NBEA: variants seen among roughly 807,000 people sequenced by gnomAD.
NBEA encodes lysosomal-trafficking regulator 2.
Under a neutral mutation model 343.4 loss-of-function variants are expected in NBEA, and 44 were observed. The observed-to-expected ratio is 0.13, with a 90% CI of 0.10 to 0.16. The LOEUF (loss-of-function observed/expected upper bound fraction) is 0.16, where lower values mean the gene tolerates loss of function less well. Among genes scored for constraint, NBEA ranks in the 10% least tolerant of loss-of-function variants. NBEA has a pLI of 1.00. For missense variants in NBEA, 2,555 were observed against 3,631.3 expected (o/e 0.70, Z 7.62); for synonymous variants, 1,175 against 1,238.7 (o/e 0.95, Z 1.08).
Position 35,272,526 on chromosome 13 carries a change from G to A in NBEA, c.5777-17863G>A, listed in dbSNP as rs147182083. Among the ~76,000 whole-genome samples, 148 of 152,184 alleles carry A rather than the reference G, an allele frequency of 9.7e-4. 1 individual carries two copies. Among genetic ancestry groups the A allele is most frequent in the Middle Eastern group, 3.4e-3 (1 of 294 alleles). On this transcript the variant is annotated intron_variant, in intron 34 of 58. Coordinates refer to ENST00000379939, the MANE Select transcript of NBEA (RefSeq NM_001385012.1). Reference sequence around the variant, plus strand: ...AACAATATTAACCTAAAATGTAAACGGGCTAAATGCCCCAATTAAAAGACA... The same window carrying A: ...AACAATATTAACCTAAAATGTAAACAGGCTAAATGCCCCAATTAAAAGACA...
chr13:34,967,435 T>G (rs2059858838), intron 1 of NBEA, among the ~76,000 whole-genome samples: 2 of 152,020 alleles, frequency 1.3e-5, no homozygotes, highest in African/African-American at 4.8e-5. Context: ...AAGAAGCCTC[T>G]TTTTGGAATA....
intron 30 of NBEA, among the ~76,000 whole-genome samples, chr13:35,184,546 AT>A (rs1487829311): frequency 6.6e-6 from 1 of 152,092 alleles, no homozygotes; most frequent in Non-Finnish European, 1.5e-5. Flanking sequence ...TCCAACAAAA[AT>A]TATTAAACAT....
intron 35 of NBEA, among the ~76,000 whole-genome samples, chr13:35,294,871 T>C (rs1372129753): frequency 6.6e-6 from 1 of 151,880 alleles, no homozygotes; most frequent in Non-Finnish European, 1.5e-5. Flanking sequence ...CTATTCAGCA[T>C]AAGCAGCGGA....
chr13:35,371,831 G>A (rs2041450767), intron 38 of NBEA, among the ~76,000 whole-genome samples: 1 of 152,136 alleles, frequency 6.6e-6, no homozygotes, highest in Non-Finnish European at 1.5e-5. Flanking sequence ...CTGATTCTGG[G>A]TGCATGCAGT....
At chr13:35,387,492 A>G (rs918681419) in intron 38 of NBEA, among the ~76,000 whole-genome samples, 1 of 152,142 alleles carries the variant, frequency 6.6e-6, no homozygotes, top group African/African-American at 2.4e-5. Context: ...TTTATTACCA[A>G]AAACAACGAA....
intron 38 of NBEA, among the ~76,000 whole-genome samples, chr13:35,372,000 A>G (rs940377985): frequency 1.3e-5 from 2 of 152,096 alleles, no homozygotes; most frequent in East Asian, 1.9e-4. Flanking sequence ...TGTGGTGGCA[A>G]TGGTGGGCCA....
At chr13:35,123,407 T>TA in intron 16 of NBEA, 75 bp from the exon 17 acceptor site, 1 of 710,094 alleles carries the variant, frequency 1.4e-6, no homozygotes, top group African/African-American at 1.8e-5. Context: ...ATGTATAATT[T>TA]ATCTGTAAAG....
At chr13:35,026,252 T>C (rs562352972) in intron 1 of NBEA, among the ~76,000 whole-genome samples, 4 of 152,276 alleles carry the variant, frequency 2.6e-5, no homozygotes, top group African/African-American at 9.6e-5. Context: ...CCCAGCCATG[T>C]GGAACTGTGA....
At chr13:35,582,830 A>C (rs1162189586) in intron 45 of NBEA, among the ~76,000 whole-genome samples, 2 of 152,210 alleles carry the variant, frequency 1.3e-5, no homozygotes, top group African/African-American at 2.4e-5. Context: ...GAAAAGGCTC[A>C]TAACAATTTA....
chr13:35,196,381 A>T (rs1371856158), intron 31 of NBEA, 79 bp downstream of exon 31: 2 of 1,334,044 alleles, frequency 1.5e-6, no homozygotes, highest in Non-Finnish European at 2.0e-6. Flanking sequence ...AATATAAGGA[A>T]GATCTTGAAA....
chr13:35,095,914 C>A (rs1259920059), intron 10 of NBEA, among the ~76,000 whole-genome samples: 3 of 151,846 alleles, frequency 2.0e-5, no homozygotes, highest in African/African-American at 7.2e-5. Context: ...TGCAGATGAA[C>A]TGATGTGTTC....
intron 4 of NBEA, among the ~76,000 whole-genome samples, chr13:35,046,263 A>G (rs1471132838): frequency 2.0e-5 from 3 of 152,076 alleles, no homozygotes; most frequent in East Asian, 1.9e-4. Flanking sequence ...AGGTCTTTCT[A>G]TGGACATATG....
chr13:35,587,074 A>G (rs2081324098), intron 46 of NBEA, among the ~76,000 whole-genome samples: 1 of 152,196 alleles, frequency 6.6e-6, no homozygotes. Context: ...CATAAAACCA[A>G]AACTACATTC....
At chr13:35,322,178 G>T (rs13378629) in intron 36 of NBEA, among the ~76,000 whole-genome samples, 2,432 of 152,272 alleles carry the variant, frequency 0.016, 56 homozygotes, top group African/African-American at 0.056. Flanking sequence ...CTCAGTGTCT[G>T]CCCAAACGGC....
chr13:35,653,856 T>G (rs1163934358), intron 53 of NBEA, among the ~76,000 whole-genome samples: 2 of 152,208 alleles, frequency 1.3e-5, no homozygotes, highest in Non-Finnish European at 2.9e-5. Context: ...ATGGAAAAAT[T>G]AATAGGTCTA....
intron 34 of NBEA, among the ~76,000 whole-genome samples, chr13:35,289,429 G>A (rs958941577): frequency 3.3e-5 from 5 of 151,588 alleles, no homozygotes; most frequent in East Asian, 1.9e-4. Context: ...CATAATTAAC[G>A]TACTCTCAAC....
chr13:35,343,571 G>A (rs2039708361), intron 36 of NBEA, among the ~76,000 whole-genome samples: 1 of 152,054 alleles, frequency 6.6e-6, no homozygotes, highest in Admixed American at 6.6e-5. Flanking sequence ...AGTAGCGGGT[G>A]AATGACTTGC....
rs1209033294 is a variant in NBEA at position 35,377,287 on chromosome 13, G to A, written c.6179+24964G>A. ...GGTGAAACACAGGGCTGGGAAGGAAGCTAATTTGAACACTGTCTAGGGATT... is the reference window on the plus strand; with the variant it reads ...GGTGAAACACAGGGCTGGGAAGGAAACTAATTTGAACACTGTCTAGGGATT... On this transcript the variant is annotated intron_variant, in intron 38 of 58. Coordinates refer to ENST00000379939, the MANE Select transcript of NBEA (RefSeq NM_001385012.1). 4.6e-5 allele frequency among the ~76,000 whole-genome samples: 7 copies of A among 152,130 alleles called. No homozygotes were observed. In the East Asian group the frequency reaches 1.4e-3, roughly 29 times the overall value.
At chr13:35,043,502 A>G (rs2062730347) in intron 2 of NBEA, among the ~76,000 whole-genome samples, 1 of 151,920 alleles carries the variant, frequency 6.6e-6, no homozygotes, top group African/African-American at 2.4e-5. Flanking sequence ...AAAATACTTC[A>G]TATTAGCTTA....
Sources: allele counts gnomAD v4.1 joint callset (sites outside exome capture counted in the v4.1 genomes callset), GRCh38; gene constraint gnomAD v4.1.1; transcripts MANE v1.5; gene names NCBI Gene and HGNC (gene_info 2026-07-23, HGNC 2026-07-21).